The following MRTFB variants were observed in gnomAD, a reference collection of about 807,000 sequenced individuals.
MRTFB encodes myocardin-related transcription factor B.
A neutral mutation model predicts 104.2 loss-of-function variants in MRTFB; 29 were observed. That is an observed-to-expected ratio of 0.28 (90% CI 0.21 to 0.38). The LOEUF (loss-of-function observed/expected upper bound fraction) is 0.38. MRTFB is among the 10% of genes least tolerant of loss of function. The pLI, the probability that MRTFB is intolerant of heterozygous loss-of-function variation, is 1.00. For synonymous variants in MRTFB, 535 were observed against 519.5 expected, an observed-to-expected ratio of 1.03 and a Z score of -0.41; for missense variants, 1,270 against 1,341.6, an observed-to-expected ratio of 0.95 and a Z score of 0.83.
In MRTFB at chr16:14,246,621, T is replaced by C. The variant is rs1597368757; in HGVS notation, c.1361T>C (p.Ile454Thr). 2 of 1,614,102 alleles carry C rather than the reference T, an allele frequency of 1.2e-6. No homozygotes were observed. The highest frequency in any genetic ancestry group is 1.7e-6 in the Non-Finnish European group (2 of 1,180,006). Reference sequence around the variant, plus strand: ...ATCGTGGCAGTGTCATCATCAGCCATTGTCACCAGTAACCCAGAAGTCACT... The same window carrying C: ...ATCGTGGCAGTGTCATCATCAGCCACTGTCACCAGTAACCCAGAAGTCACT... ...GGIVAVSSSA[I>T]VTSNPEVTVA... Residue 454 changes from isoleucine (I) to threonine (T), a missense_variant, in exon 12 of 17, where the codon ATT becomes ACT. Ile to Thr is a moderately conservative substitution (Grantham distance 89, BLOSUM62 -1). Transcript: ENST00000571589.
chr16:14,225,550 C>G (rs1253035440), intron 8 of MRTFB, among the ~76,000 whole-genome samples: 1 of 152,058 alleles, frequency 6.6e-6, no homozygotes, highest in Non-Finnish European at 1.5e-5. Flanking sequence ...GCTCAGAGGC[C>G]AAAGAAAGAG....
At chr16:14,057,821 T>C in the MRTFB span, among the ~76,000 whole-genome samples, 1 of 152,160 alleles carries the variant, frequency 6.6e-6, no homozygotes, top group Non-Finnish European at 1.5e-5. Context: ...GAAGTGCTTG[T>C]TATTCAAAAC....
the MRTFB span, among the ~76,000 whole-genome samples, chr16:14,054,603 G>A: frequency 6.6e-6 from 1 of 152,062 alleles, no homozygotes; most frequent in Non-Finnish European, 1.5e-5. Flanking sequence ...CATGGCATTT[G>A]TTACAGCTCA....
At chr16:14,157,775 A>G (rs977075843) in intron 3 of MRTFB, among the ~76,000 whole-genome samples, 1 of 152,252 alleles carries the variant, frequency 6.6e-6, no homozygotes. Context: ...TACTGATACT[A>G]CAGATAGAAG....
chr16:14,007,979 C>A, the MRTFB span, among the ~76,000 whole-genome samples: 2,768 of 152,264 alleles, frequency 0.018, 77 homozygotes, highest in African/African-American at 0.064. Context: ...GCACAAGTCT[C>A]TTATCAGATA....
At chr16:14,180,413 T>G (rs113985923) in intron 3 of MRTFB, among the ~76,000 whole-genome samples, 1 of 152,240 alleles carries the variant, frequency 6.6e-6, no homozygotes, top group Non-Finnish European at 1.5e-5. Flanking sequence ...TTGTAAATCT[T>G]GTAGTCAGTT....
intron 3 of MRTFB, among the ~76,000 whole-genome samples, chr16:14,209,789 TTTA>T (rs1391519405): frequency 1.3e-5 from 2 of 152,212 alleles, no homozygotes; most frequent in Non-Finnish European, 2.9e-5. Context: ...AGGTCTAATT[TTTA>T]TTATGCAAGC....
chr16:14,252,693 G>A (rs1377220558), intron 15 of MRTFB, among the ~76,000 whole-genome samples, 191 bp downstream of exon 15: 1 of 152,174 alleles, frequency 6.6e-6, no homozygotes, highest in Non-Finnish European at 1.5e-5. Flanking sequence ...ACAGCTTTCA[G>A]CAGCAGTATA....
At chr16:14,046,625 G>A in the MRTFB span, among the ~76,000 whole-genome samples, 10 of 151,990 alleles carry the variant, frequency 6.6e-5, no homozygotes, top group Admixed American at 5.2e-4. Flanking sequence ...CTGCTCCACC[G>A]CCCTAAAGGT....
chr16:14,136,882 C>G (rs2037748978), intron 2 of MRTFB, among the ~76,000 whole-genome samples: 1 of 151,924 alleles, frequency 6.6e-6, no homozygotes, highest in Admixed American at 6.6e-5. Flanking sequence ...TTACTTAATG[C>G]TGGATAAATG....
At chr16:14,168,615 GTTTA>G (rs1434942854) in intron 3 of MRTFB, among the ~76,000 whole-genome samples, 36 of 152,174 alleles carry the variant, frequency 2.4e-4, no homozygotes, top group African/African-American at 7.2e-4. Context: ...GTAGATCACA[GTTTA>G]TTTATCCATT....
At chr16:14,008,938 T>TTTTATTTATTTATTTATTTA in the MRTFB span, among the ~76,000 whole-genome samples, 266 of 148,646 alleles carry the variant, frequency 1.8e-3, 1 homozygote, top group Middle Eastern at 3.6e-3. Context: ...TTTTTTAAAA[T>TTTTATTTATTTATTTATTTA]TTTATGTATT....
At chr16:14,223,979 T>TAACA (rs979144785) in intron 8 of MRTFB, among the ~76,000 whole-genome samples, 2 of 152,190 alleles carry the variant, frequency 1.3e-5, no homozygotes, top group African/African-American at 4.8e-5. Context: ...TTTAATTGAC[T>TAACA]AACAGTTCCA....
At chr16:14,127,925 ATATATTTTTTTT>A (rs1194378933) in intron 2 of MRTFB, among the ~76,000 whole-genome samples, 1 of 38,436 alleles carries the variant, frequency 2.6e-5, no homozygotes, top group Admixed American at 2.9e-4. Context: ...ATATATATAT[ATATATTTTTTTT>A]TTTTTTTTTT....
rs566263363 is a variant in MRTFB, at chr16:14,181,473, T to G, written c.155-28770T>G. Among the ~76,000 whole-genome samples the G allele has an allele frequency of 9.8e-5, 15 of 152,334 alleles. No individual in the cohort carries two copies. The South Asian group carries it at 3.1e-3, about 32-fold the overall frequency. ...TGAAGGAAGTTGCAAAGCTTACTAT[T>G]ATTCACTTGAGTGAATAGCTACTGA... On this transcript the variant is annotated intron_variant, in intron 3 of 16. Coordinates refer to ENST00000571589, the MANE Select transcript of MRTFB (RefSeq NM_001308142.2).
chr16:14,164,928 G>GAA (rs370746479), intron 3 of MRTFB, among the ~76,000 whole-genome samples: 54 of 144,008 alleles, frequency 3.7e-4, no homozygotes, highest in African/African-American at 1.3e-3. Flanking sequence ...GTAGAAGAAG[G>GAA]AAAAAAAAAG....
the MRTFB span, among the ~76,000 whole-genome samples, chr16:14,040,043 C>T: frequency 1.3e-5 from 2 of 152,146 alleles, no homozygotes; most frequent in Non-Finnish European, 2.9e-5. Flanking sequence ...CCACCGCGCC[C>T]AGCCGATAAT....
At chr16:14,226,145 G>C (rs989812692) in intron 8 of MRTFB, among the ~76,000 whole-genome samples, 1 of 152,182 alleles carries the variant, frequency 6.6e-6, no homozygotes, top group Non-Finnish European at 1.5e-5. Context: ...TAATATGTCA[G>C]TGCTACCCCA....
At chr16:14,253,680 TC>T in intron 15 of MRTFB, among the ~76,000 whole-genome samples, 1 of 152,148 alleles carries the variant, frequency 6.6e-6, no homozygotes, top group East Asian at 1.9e-4. Flanking sequence ...ACCAAGGACA[TC>T]CAGGGATGCT....
Sources: gnomAD v4.1 joint callset for allele counts (sites outside exome capture counted in the v4.1 genomes callset) on GRCh38, gnomAD v4.1.1 for gene constraint, MANE v1.5 for transcripts, NCBI Gene and HGNC (gene_info 2026-07-23, HGNC 2026-07-21) for gene names.